Variants in TSPAN15 observed in about 807,000 individuals in gnomAD.
The protein encoded by TSPAN15 is tetraspanin-15.
In TSPAN15, 20 loss-of-function variants were observed where a neutral mutation model predicts 34.5. That is an observed-to-expected ratio of 0.58 (90% CI 0.41 to 0.84). The LOEUF (loss-of-function observed/expected upper bound fraction) is 0.84, where lower values mean the gene tolerates loss of function less well. Ranked by LOEUF, TSPAN15 falls within the 40% of genes least tolerant of loss-of-function variation. The probability of loss-of-function intolerance (pLI) is 0.00; values close to 1 mark genes in which losing one functional copy is unlikely to be tolerated. For synonymous variants in TSPAN15, 155 were observed against 153.9 expected, an observed-to-expected ratio of 1.01 and a Z score of -0.05; for missense variants, 313 against 386.1, an observed-to-expected ratio of 0.81 and a Z score of 1.59.
At chr10:69,457,283 G>A (rs1841133143) in intron 1 of TSPAN15, among the ~76,000 whole-genome samples, 2 of 152,214 alleles carry the variant, frequency 1.3e-5, no homozygotes, top group African/African-American at 4.8e-5. Context: ...GCATGATGGT[G>A]ATTGAGTCCC....
chr10:69,455,935 T>G (rs180822656), intron 1 of TSPAN15, among the ~76,000 whole-genome samples: 372 of 152,220 alleles, frequency 2.4e-3, no homozygotes, highest in Middle Eastern at 3.4e-3. Flanking sequence ...ATCTCTTACC[T>G]TTGTGGGTGA....
the TSPAN15 span, among the ~76,000 whole-genome samples, chr10:69,525,618 C>T: frequency 6.8e-6 from 1 of 146,934 alleles, no homozygotes; most frequent in African/African-American, 2.5e-5. Flanking sequence ...GTCAGGAGTT[C>T]GAGACCAGCC....
intron 1 of TSPAN15, among the ~76,000 whole-genome samples, chr10:69,463,496 G>A (rs192242520): frequency 2.1e-3 from 315 of 152,286 alleles, no homozygotes; most frequent in African/African-American, 7.1e-3. Context: ...GTTGTGGGTT[G>A]AGTCGTGGCC....
At chr10:69,475,442 T>C (rs1841595976) in intron 1 of TSPAN15, among the ~76,000 whole-genome samples, 1 of 152,194 alleles carries the variant, frequency 6.6e-6, no homozygotes, top group Non-Finnish European at 1.5e-5. Context: ...AAGTAATTGC[T>C]CTGCATCTTG....
chr10:69,463,613 C>T (rs1841317278), intron 1 of TSPAN15, among the ~76,000 whole-genome samples: 1 of 152,038 alleles, frequency 6.6e-6, no homozygotes, highest in Non-Finnish European at 1.5e-5. Flanking sequence ...AGTTAGAGAC[C>T]AGCCTGGCCA....
intron 5 of TSPAN15, among the ~76,000 whole-genome samples, chr10:69,503,385 G>A (rs954859851): frequency 2.0e-5 from 3 of 152,230 alleles, no homozygotes; most frequent in Non-Finnish European, 4.4e-5. Context: ...GCCCAGCCCC[G>A]TGATAAGCAC....
chr10:69,453,913 C>T (rs1841028331), intron 1 of TSPAN15, among the ~76,000 whole-genome samples: 1 of 152,226 alleles, frequency 6.6e-6, no homozygotes, highest in East Asian at 1.9e-4. Flanking sequence ...AGTCTCTACA[C>T]CCATGCCAAG....
chr10:69,490,701 G>C (rs1841949717), intron 3 of TSPAN15, among the ~76,000 whole-genome samples: 1 of 152,164 alleles, frequency 6.6e-6, no homozygotes, highest in Non-Finnish European at 1.5e-5. Context: ...ATCCAGCCTG[G>C]GTGACAGAGC....
the TSPAN15 span, among the ~76,000 whole-genome samples, chr10:69,534,914 G>C: frequency 6.6e-6 from 1 of 152,002 alleles, no homozygotes; most frequent in Non-Finnish European, 1.5e-5. Flanking sequence ...GGGCCCAGGA[G>C]GTCGAGGCTG....
chr10:69,504,323 C>T, intron 5 of TSPAN15, 115 bp from the exon 6 acceptor site: 1 of 980,120 alleles, frequency 1.0e-6, no homozygotes. Context: ...AGCTCCATCC[C>T]TGCTGGACGG....
the TSPAN15 span, among the ~76,000 whole-genome samples, chr10:69,513,335 T>C: frequency 6.6e-6 from 1 of 152,232 alleles, no homozygotes; most frequent in Non-Finnish European, 1.5e-5. Context: ...ATTAGTTATA[T>C]GATTTGAAAA....
At chr10:69,492,465 A>G (rs1251576519) in intron 3 of TSPAN15, among the ~76,000 whole-genome samples, 1 of 152,142 alleles carries the variant, frequency 6.6e-6, no homozygotes, top group Non-Finnish European at 1.5e-5. Context: ...AAGAACCAGC[A>G]TGCCTCAAAG....
intron 3 of TSPAN15, among the ~76,000 whole-genome samples, chr10:69,489,923 C>T (rs1050544183): frequency 6.6e-6 from 1 of 152,228 alleles, no homozygotes; most frequent in East Asian, 1.9e-4. Flanking sequence ...TGCTTTTGTC[C>T]CAGCTTGTTC....
chr10:69,531,941 AAAAAAAAAAC>A, the TSPAN15 span, among the ~76,000 whole-genome samples: 1 of 98,864 alleles, frequency 1.0e-5, no homozygotes, highest in East Asian at 8.2e-4. Context: ...AAAACAAAAC[AAAAAAAAAAC>A]AAAAAAAAAA....
chr10:69,469,999 G>A (rs1446869581), intron 1 of TSPAN15, among the ~76,000 whole-genome samples: 1 of 152,208 alleles, frequency 6.6e-6, no homozygotes, highest in African/African-American at 2.4e-5. Flanking sequence ...TTCCCCAAAT[G>A]TTCTTTGTGG....
chr10:69,508,813 G>GA (rs201898363), downstream of TSPAN15, among the ~76,000 whole-genome samples: 1,343 of 152,324 alleles, frequency 8.8e-3, 17 homozygotes, highest in African/African-American at 0.029. Flanking sequence ...CTTGAGCCCA[G>GA]ATAGGATCTC....
chr10:69,453,930 G>A (rs990419668), intron 1 of TSPAN15, among the ~76,000 whole-genome samples: 1 of 152,222 alleles, frequency 6.6e-6, no homozygotes, highest in African/African-American at 2.4e-5. Flanking sequence ...CAAGAACTCA[G>A]CCACCTGCCA....
chr10:69,476,581 A>AAT (rs59050703), intron 1 of TSPAN15, among the ~76,000 whole-genome samples: 1 of 151,170 alleles, frequency 6.6e-6, no homozygotes, highest in Admixed American at 6.6e-5. Context: ...AAAAAAAAAA[A>AAT]GTAACAAAAG....
Position 69,507,109 on chromosome 10 carries a change from G to A in TSPAN15, c.*131G>A. 1.3e-6 allele frequency: 2 copies of A among 1,485,448 alleles called. No homozygotes were observed. Among genetic ancestry groups the A allele is most frequent in the South Asian group, 2.7e-5 (2 of 75,186 alleles). 92.0% of individuals were successfully genotyped at this position (1,485,448 alleles called of 1,614,324 possible). A position where few individuals can be genotyped will look rare whatever the true frequency, so the allele number is the denominator to read the frequency against. ...ACTGACCAAAGCCAGGGCTGTGTGT[G>A]CCTGTGTGTAGGTCCCACGGCCTCT... On this transcript the variant is annotated 3_prime_UTR_variant, in exon 8 of 8. Coordinates refer to ENST00000373290, the MANE Select transcript of TSPAN15 (RefSeq NM_012339.5).
Sources: gnomAD v4.1 joint callset for allele counts (sites outside exome capture counted in the v4.1 genomes callset) on GRCh38, gnomAD v4.1.1 for gene constraint, MANE v1.5 for transcripts, NCBI Gene and HGNC (gene_info 2026-07-23, HGNC 2026-07-21) for gene names.